The following SLIT3 variants were observed in gnomAD, a reference collection of about 807,000 sequenced individuals.
SLIT3 encodes slit homolog 3 protein.
A neutral mutation model predicts 184.0 loss-of-function variants in SLIT3; 68 were observed. That is an observed-to-expected ratio of 0.37 (90% CI 0.30 to 0.45). The LOEUF is 0.45. Among genes scored for constraint, SLIT3 ranks in the 20% least tolerant of loss-of-function variants. SLIT3 has a pLI of 1.00. For synonymous variants in SLIT3, 831 were observed against 828.6 expected (o/e 1.00, Z -0.05); for missense variants, 1,707 against 2,026.0 (o/e 0.84, Z 3.02).
In SLIT3 at chr5:168,897,646, G is replaced by GCGCGCGCGCGCGCGCACACACACACACA; in HGVS notation, c.414-14311_414-14310insTGTGTGTGTGTGTGCGCGCGCGCGCGCG. Among the ~76,000 whole-genome samples, 93 of 105,416 alleles carry GCGCGCGCGCGCGCGCACACACACACACA rather than the reference G, an allele frequency of 8.8e-4. 1 individual carries two copies. The highest frequency in any genetic ancestry group is 9.2e-3 in the Middle Eastern group (2 of 218). The allele number at this position is 105,416 out of a possible 152,430, so 69.2% of individuals were successfully genotyped here. On this transcript the variant is annotated intron_variant, in intron 4 of 35. Coordinates refer to ENST00000519560, the MANE Select transcript of SLIT3 (RefSeq NM_003062.4). ...AGAAAGAGGATGGAGACAGGTGCAC[G>GCGCGCGCGCGCGCGCACACACACACACA]TACACACACACACACACACACACAC...
At chr5:169,093,402 C>G (rs1351502347) in intron 4 of SLIT3, among the ~76,000 whole-genome samples, 4 of 152,176 alleles carry the variant, frequency 2.6e-5, no homozygotes, top group Admixed American at 2.0e-4. Context: ...TAAATCTACA[C>G]CCTGTATTCT....
At chr5:168,718,725 C>CACACAT in intron 23 of SLIT3, among the ~76,000 whole-genome samples, 1 of 146,642 alleles carries the variant, frequency 6.8e-6, no homozygotes, top group East Asian at 2.0e-4. Context: ...CACACACACA[C>CACACAT]ACACATTCTC....
chr5:169,035,706 T>C (rs2113539376), intron 4 of SLIT3, among the ~76,000 whole-genome samples: 1 of 150,058 alleles, frequency 6.7e-6, no homozygotes, highest in African/African-American at 2.5e-5. Context: ...GACTACAAAG[T>C]GAGTACCACG....
intron 24 of SLIT3, among the ~76,000 whole-genome samples, chr5:168,711,588 G>A (rs754787775): frequency 2.2e-4 from 33 of 151,836 alleles, no homozygotes; most frequent in Admixed American, 7.2e-4. Context: ...ATATGCATAC[G>A]TAGTATATCC....
intron 23 of SLIT3, among the ~76,000 whole-genome samples, chr5:168,716,607 G>A (rs1343528810): frequency 6.6e-6 from 1 of 152,254 alleles, no homozygotes; most frequent in Non-Finnish European, 1.5e-5. Context: ...TGTCTCAAAG[G>A]CCGTGGTGAG....
intron 4 of SLIT3, among the ~76,000 whole-genome samples, chr5:168,908,091 T>C (rs887241841): frequency 1.3e-5 from 2 of 151,182 alleles, no homozygotes; most frequent in South Asian, 2.1e-4. Context: ...GAGACTTTCA[T>C]TTTATACCCT....
At chr5:168,756,578 C>A (rs879663293) in intron 16 of SLIT3, among the ~76,000 whole-genome samples, 48 of 152,334 alleles carry the variant, frequency 3.2e-4, no homozygotes, top group Admixed American at 7.2e-4. Context: ...GATTTCCACT[C>A]CCTGCCTGGT....
chr5:168,799,687 T>A (rs17070500), intron 9 of SLIT3, among the ~76,000 whole-genome samples: 1 of 133,360 alleles, frequency 7.5e-6, no homozygotes, highest in African/African-American at 2.5e-5. Flanking sequence ...TGTGGAAACA[T>A]TGGTGGTGGT....
Position 168,785,966 on chromosome 5 carries a change from C to G in SLIT3, c.1092G>C (p.Gly364=). ...CCTTGACAATCTCGGTGATCTTGTT[C>G]CCATACAGGACCCTGAAAGAGAGAA... ...LKSLTSLVLY[G]NKITEIVKGL... The change falls in exon 12 of 36, where the codon GGG becomes GGC. Residue 364 remains glycine, a synonymous_variant. Transcript: ENST00000519560. 6.2e-7 allele frequency: 1 copy of G among 1,611,050 alleles called. No individual in the cohort carries two copies. The highest frequency in any genetic ancestry group is 8.5e-7 in the Non-Finnish European group (1 of 1,177,456).
intron 20 of SLIT3, among the ~76,000 whole-genome samples, chr5:168,742,373 C>T (rs560878092): frequency 1.1e-4 from 16 of 150,120 alleles, no homozygotes; most frequent in Non-Finnish European, 2.2e-4. Flanking sequence ...TTTTCTTCCT[C>T]ACCCAGAGAG....
intron 4 of SLIT3, among the ~76,000 whole-genome samples, chr5:169,137,598 C>A (rs1219456239): frequency 6.6e-6 from 1 of 152,020 alleles, no homozygotes; most frequent in Non-Finnish European, 1.5e-5. Flanking sequence ...CAAATGGCCA[C>A]TTGCTTAGGT....
intron 6 of SLIT3, among the ~76,000 whole-genome samples, chr5:168,838,469 T>C (rs1035920625): frequency 1.3e-5 from 2 of 152,202 alleles, no homozygotes; most frequent in African/African-American, 4.8e-5. Flanking sequence ...AATATAATCA[T>C]ACTAATAATT....
chr5:169,273,692 G>A (rs1013595325), intron 1 of SLIT3, among the ~76,000 whole-genome samples: 1 of 152,146 alleles, frequency 6.6e-6, no homozygotes, highest in African/African-American at 2.4e-5. Flanking sequence ...ACCAACTTAT[G>A]CTTTGAGGCT....
intron 14 of SLIT3, among the ~76,000 whole-genome samples, chr5:168,772,005 A>G (rs1427463461): frequency 1.3e-5 from 2 of 152,174 alleles, no homozygotes; most frequent in East Asian, 3.9e-4. Context: ...CCAGTAGAAA[A>G]GAACACAAAT....
chr5:168,789,445 T>A, intron 11 of SLIT3, 115 bp downstream of exon 11: 2 of 703,984 alleles, frequency 2.8e-6, no homozygotes, highest in Admixed American at 2.6e-5. Flanking sequence ...TTGCCACAAG[T>A]GTGTAAGGGA....
intron 3 of SLIT3, among the ~76,000 whole-genome samples, chr5:169,224,452 C>G (rs974210856): frequency 6.6e-6 from 1 of 151,778 alleles, no homozygotes; most frequent in Non-Finnish European, 1.5e-5. Flanking sequence ...ACTGCAGCCT[C>G]GACCTCCTGG....
chr5:169,257,001 T>C (rs1222443483), intron 1 of SLIT3, among the ~76,000 whole-genome samples: 1 of 150,376 alleles, frequency 6.6e-6, no homozygotes, highest in African/African-American at 2.4e-5. Flanking sequence ...TGAGTTGTGC[T>C]CAAGACAGAG....
intron 4 of SLIT3, among the ~76,000 whole-genome samples, chr5:169,076,815 A>T (rs530504479): frequency 1.3e-5 from 2 of 152,346 alleles, no homozygotes; most frequent in African/African-American, 4.8e-5. Context: ...TTCATCGAGT[A>T]CAGGACTTGA....
At chr5:169,147,901 TC>T (rs1761981296) in intron 4 of SLIT3, among the ~76,000 whole-genome samples, 1 of 152,204 alleles carries the variant, frequency 6.6e-6, no homozygotes, top group South Asian at 2.1e-4. Context: ...CTTTCCCTTT[TC>T]CTCCGTCTTC....
Sources: gnomAD v4.1 joint callset for allele counts (sites outside exome capture counted in the v4.1 genomes callset) on GRCh38, gnomAD v4.1.1 for gene constraint, MANE v1.5 for transcripts, NCBI Gene and HGNC (gene_info 2026-07-23, HGNC 2026-07-21) for gene names.